The following NVL variants were observed in gnomAD, a reference collection of about 807,000 sequenced individuals.
NVL encodes the protein nuclear VCP like, also known as nuclear valosin-containing protein-like.
NVL carries 84 observed loss-of-function variants against 110.2 expected under a neutral mutation model. That is an observed-to-expected ratio of 0.76 (90% CI 0.64 to 0.91). The LOEUF (loss-of-function observed/expected upper bound fraction) is 0.91. NVL is among the 40% of genes least tolerant of loss of function. The pLI, the probability that NVL is intolerant of heterozygous loss-of-function variation, is 0.00. For synonymous variants in NVL, 354 were observed against 361.1 expected (o/e 0.98, Z 0.22); for missense variants, 882 against 1,035.9 (o/e 0.85, Z 2.04).
chr1:224,229,113 G>A (rs1659564839), intron 22 of NVL, among the ~76,000 whole-genome samples: 1 of 151,262 alleles, frequency 6.6e-6, no homozygotes, highest in African/African-American at 2.4e-5. Context: ...TGACCAACAT[G>A]GAGAAACCCT....
rs1350715412 is a variant in NVL at position 224,303,827 on chromosome 1, G to A, written c.856C>T (p.His286Tyr). 6.2e-7 allele frequency: 1 copy of A among 1,613,688 alleles called. No individual in the cohort carries two copies. Among genetic ancestry groups the A allele is most frequent in the East Asian group, 2.2e-5 (1 of 44,860 alleles). The change falls in exon 9 of 23, where the codon CAC (histidine) becomes TAC (tyrosine). Residue 286 changes from histidine to tyrosine, a missense_variant. His to Tyr is a moderately conservative substitution (Grantham distance 83). Coordinates refer to ENST00000281701, the MANE Select transcript of NVL (RefSeq NM_002533.4). Reference protein sequence around the residue: ...EVCKMLIHMRHPEVYHHLGVV... With the variant: ...EVCKMLIHMRYPEVYHHLGVV... ...CCCAGGTGGTGGTACACCTCCGGGT[G>A]ACGCATGTGTATGAGCATCTTGCAG...
chr1:224,254,349 C>T (rs1662900161), intron 18 of NVL, among the ~76,000 whole-genome samples: 1 of 150,196 alleles, frequency 6.7e-6, no homozygotes, highest in African/African-American at 2.5e-5. Context: ...CCTTGGCCTC[C>T]CAAAGTGCTA....
intron 19 of NVL, among the ~76,000 whole-genome samples, chr1:224,241,910 T>C (rs1194032308): frequency 6.6e-6 from 1 of 150,690 alleles, no homozygotes; most frequent in Non-Finnish European, 1.5e-5. Flanking sequence ...CAGGCACCTG[T>C]AATCCCAGCT....
At chr1:224,329,216 T>C (rs1169347025) in intron 1 of NVL, among the ~76,000 whole-genome samples, 1 of 151,906 alleles carries the variant, frequency 6.6e-6, no homozygotes, top group Non-Finnish European at 1.5e-5. Flanking sequence ...AGCGAGACTA[T>C]GTCTCAGAAA....
Position 224,275,460 on chromosome 1 carries a change from T to TA in NVL, c.1963-3dup, listed in dbSNP as rs991652087. ...AGCACGTTCACTCTCACCAACATAC[T>TA]AAACATACACAGAAAGGAAATAAAA... On this transcript the variant is annotated splice_polypyrimidine_tract_variant and splice_region_variant and intron_variant, in intron 16 of 22. Transcript: ENST00000281701. 1.2e-6 allele frequency: 2 copies of TA among 1,613,976 alleles called. No individual in the cohort carries two copies. The highest frequency in any genetic ancestry group is 8.5e-7 in the Non-Finnish European group (1 of 1,180,012).
In NVL at chr1:224,245,447, G is replaced by A. The variant is rs575347888; in HGVS notation, c.2289+4765C>T. On this transcript the variant is annotated intron_variant, in intron 19 of 22. Coordinates refer to ENST00000281701, the MANE Select transcript of NVL (RefSeq NM_002533.4). ...TCTCTTGAGAGGGCACCAGGCCAACGCAGGCAGACAGGGCACAGGGAGGCT... is the reference window on the plus strand; with the variant it reads ...TCTCTTGAGAGGGCACCAGGCCAACACAGGCAGACAGGGCACAGGGAGGCT... 5.9e-5 allele frequency among the ~76,000 whole-genome samples: 9 copies of A among 152,338 alleles called. No homozygotes were observed. The South Asian group carries it at 1.9e-3, about 32-fold the overall frequency.
intron 14 of NVL, among the ~76,000 whole-genome samples, chr1:224,287,263 G>C (rs1666954343): frequency 6.6e-6 from 1 of 152,124 alleles, no homozygotes; most frequent in Non-Finnish European, 1.5e-5. Flanking sequence ...CCAGAGGCTG[G>C]GAAGGGAAGG....
At chr1:224,326,048 C>T (rs901025864) in intron 2 of NVL, among the ~76,000 whole-genome samples, 1 of 152,140 alleles carries the variant, frequency 6.6e-6, no homozygotes, top group Admixed American at 6.6e-5. Flanking sequence ...CTCAGCCTCC[C>T]AAAGTGTTGA....
intron 18 of NVL, among the ~76,000 whole-genome samples, chr1:224,253,817 G>A (rs1027341687): frequency 6.6e-6 from 1 of 151,522 alleles, no homozygotes; most frequent in South Asian, 2.1e-4. Context: ...CATCATCAGT[G>A]CATGAAAGTT....
intron 6 of NVL, 98 bp from the exon 7 acceptor site, chr1:224,305,264 T>G: frequency 8.1e-7 from 1 of 1,229,808 alleles, no homozygotes; most frequent in Non-Finnish European, 1.1e-6. Context: ...AATTCATTCC[T>G]GCCCTAGCAC....
At chr1:224,274,055 CACA>C (rs1665486864) in intron 17 of NVL, among the ~76,000 whole-genome samples, 2 of 151,278 alleles carry the variant, frequency 1.3e-5, no homozygotes, top group Admixed American at 6.6e-5. Flanking sequence ...CACACACACA[CACA>C]CCCATATTGA....
At chr1:224,241,500 G>A (rs1462961369) in intron 19 of NVL, among the ~76,000 whole-genome samples, 1 of 151,966 alleles carries the variant, frequency 6.6e-6, no homozygotes. Context: ...TCTCAAATAG[G>A]TTGGTAACTA....
chr1:224,259,307 T>C (rs948659379), intron 18 of NVL, among the ~76,000 whole-genome samples: 1 of 152,126 alleles, frequency 6.6e-6, no homozygotes, highest in Admixed American at 6.6e-5. Flanking sequence ...GCCAGGCTGG[T>C]CTCAAACTCC....
At chr1:224,235,207 G>T (rs566748707) in intron 20 of NVL, among the ~76,000 whole-genome samples, 1 of 151,924 alleles carries the variant, frequency 6.6e-6, no homozygotes, top group African/African-American at 2.4e-5. Flanking sequence ...TCGCTCTGTT[G>T]CCCAGCCTGG....
chr1:224,294,124 T>C (rs1667639355), intron 12 of NVL, 143 bp downstream of exon 12: 2 of 895,068 alleles, frequency 2.2e-6, no homozygotes, highest in South Asian at 1.7e-5. Context: ...TAATGTGGGC[T>C]TCTCCTTTTC....
chr1:224,233,131 G>T (rs1660081863), intron 21 of NVL, 70 bp downstream of exon 21: 3 of 1,313,346 alleles, frequency 2.3e-6, no homozygotes, highest in Non-Finnish European at 3.2e-6. Context: ...CTAGAAAATG[G>T]TCATTTTCCA....
At chr1:224,282,529 A>T (rs2102600977) in intron 15 of NVL, among the ~76,000 whole-genome samples, 1 of 152,380 alleles carries the variant, frequency 6.6e-6, no homozygotes, top group Non-Finnish European at 1.5e-5. Flanking sequence ...GTCAGTGTTG[A>T]GAAACTCATA....
intron 4 of NVL, chr1:224,312,867 TC>T (rs1442585492): frequency 6.6e-6 from 1 of 150,914 alleles, no homozygotes; most frequent in Non-Finnish European, 1.5e-5. Context: ...AAAGCCCTTT[TC>T]TTATTTAAAT....
chr1:224,237,325 GCACTCTAAGCT>G (rs1329986712), intron 19 of NVL, among the ~76,000 whole-genome samples: 4 of 152,082 alleles, frequency 2.6e-5, no homozygotes, highest in Admixed American at 2.0e-4. Context: ...AAAGCACAAA[GCACTCTAAGCT>G]CAGTATATTC....
Sources: allele counts gnomAD v4.1 joint callset (sites outside exome capture counted in the v4.1 genomes callset), GRCh38; gene constraint gnomAD v4.1.1; transcripts MANE v1.5; gene names NCBI Gene and HGNC (gene_info 2026-07-23, HGNC 2026-07-21).